ZFYVE1: variants seen among roughly 807,000 people sequenced by gnomAD.
ZFYVE1 encodes the protein zinc finger FYVE-type containing 1.
ZFYVE1 carries 30 observed loss-of-function variants against 74.4 expected under a neutral mutation model. That is an observed-to-expected ratio of 0.40 (90% CI 0.30 to 0.55). The LOEUF (loss-of-function observed/expected upper bound fraction) is 0.55. ZFYVE1 is among the 20% of genes least tolerant of loss of function. The pLI is 0.42. For missense variants in ZFYVE1, 703 were observed against 1,011.6 expected, an observed-to-expected ratio of 0.69 and a Z score of 4.14; for synonymous variants, 335 against 385.1, an observed-to-expected ratio of 0.87 and a Z score of 1.52.
chr14:73,023,275 ATTATATATGTTTTATATATAATATATATT>A (rs1567366720), intron 2 of ZFYVE1, among the ~76,000 whole-genome samples: 7 of 111,330 alleles, frequency 6.3e-5, no homozygotes, highest in Non-Finnish European at 1.1e-4. Flanking sequence ...TATAATATAT[ATTATATATGTTTTATATATAATATATATT>A]ATATATGTTT....
intron 4 of ZFYVE1, among the ~76,000 whole-genome samples, chr14:72,987,781 TGTTGCTATTGTG>T (rs1030711598): frequency 6.6e-6 from 1 of 152,184 alleles, no homozygotes; most frequent in African/African-American, 2.4e-5. Context: ...GTATCTGGGC[TGTTGCTATTGTG>T]GACCCTGAGC....
chr14:73,019,909 C>T (rs554303451), intron 2 of ZFYVE1, among the ~76,000 whole-genome samples: 64 of 151,910 alleles, frequency 4.2e-4, no homozygotes, highest in Non-Finnish European at 5.3e-4. Context: ...CGAGATCACA[C>T]CACGGCACTC....
intron 2 of ZFYVE1, among the ~76,000 whole-genome samples, chr14:72,999,520 G>A (rs894594482): frequency 6.6e-6 from 1 of 152,058 alleles, no homozygotes; most frequent in Non-Finnish European, 1.5e-5. Context: ...CCAGGAGTTG[G>A]AGGTTACAGT....
chr14:73,016,126 G>A (rs1479144256), intron 2 of ZFYVE1, among the ~76,000 whole-genome samples: 8 of 152,054 alleles, frequency 5.3e-5, no homozygotes, highest in African/African-American at 1.2e-4. Context: ...TTATTCTTCT[G>A]ACCTTTAACT....
In ZFYVE1 at chr14:73,012,724, T is replaced by C. The variant is rs910592948; in HGVS notation, c.483+11302A>G. Among the ~76,000 whole-genome samples, 16 of 152,194 alleles carry C rather than the reference T, an allele frequency of 1.1e-4. 1 individual carries two copies. Among genetic ancestry groups the C allele is most frequent in the Non-Finnish European group, 2.1e-4 (14 of 68,024 alleles). On this transcript the variant is annotated intron_variant, in intron 2 of 11. Transcript: ENST00000556143. ...AGGCCTCTGCCATTCCTCCCTAGTG[T>C]CATTTAATCTGAGTTTTCACTTTAA...
At chr14:73,023,265 T>TATAATATATATTATATATGTTTTATAC (rs1894365393) in intron 2 of ZFYVE1, among the ~76,000 whole-genome samples, 1 of 117,860 alleles carries the variant, frequency 8.5e-6, no homozygotes, top group Admixed American at 9.7e-5. Flanking sequence ...ATGTTTTATA[T>TATAATATATATTATATATGTTTTATAC]ATAATATATA....
chr14:73,018,241 G>C (rs1486423272), intron 2 of ZFYVE1, among the ~76,000 whole-genome samples: 1 of 151,786 alleles, frequency 6.6e-6, no homozygotes, highest in Non-Finnish European at 1.5e-5. Flanking sequence ...GACTAGCCTG[G>C]CCAACATAGT....
At chr14:73,025,257 C>T (rs1439460919) in intron 1 of ZFYVE1, among the ~76,000 whole-genome samples, 1 of 151,574 alleles carries the variant, frequency 6.6e-6, no homozygotes, top group Admixed American at 6.6e-5. Flanking sequence ...TTAGTAGAGA[C>T]GGGGTTTCAC....
intron 4 of ZFYVE1, among the ~76,000 whole-genome samples, chr14:72,990,394 C>G (rs1434047045): frequency 6.9e-6 from 1 of 144,636 alleles, no homozygotes; most frequent in Non-Finnish European, 1.5e-5. Context: ...TCCAGCTGAA[C>G]AGGTTCTTTT....
chr14:72,988,788 C>T (rs1893542588), intron 4 of ZFYVE1, among the ~76,000 whole-genome samples: 1 of 124,420 alleles, frequency 8.0e-6, no homozygotes, highest in African/African-American at 3.1e-5. Flanking sequence ...GCCTGAGTGA[C>T]AGAGCAAGAC....
chr14:72,998,049 T>C lies in ZFYVE1; in HGVS notation c.750A>G (p.Thr250=). 2 of 1,614,094 alleles carry C rather than the reference T, an allele frequency of 1.2e-6. No individual in the cohort carries two copies. The highest frequency in any genetic ancestry group is 1.7e-6 in the Non-Finnish European group (2 of 1,180,002). The change falls in exon 3 of 12, where the codon ACA becomes ACG. Residue 250 remains threonine (T), a synonymous_variant. Coordinates refer to ENST00000556143, the MANE Select transcript of ZFYVE1 (RefSeq NM_021260.4). ...LGATVNLSQR[T]RLLLKVLAIS... Reference sequence around the variant, plus strand: ...TGGCCAGGACCTTAAGCAGCAGCCGTGTTCTCTGGCTTAGATTCACGGTGG... The same window carrying C: ...TGGCCAGGACCTTAAGCAGCAGCCGCGTTCTCTGGCTTAGATTCACGGTGG...
In ZFYVE1 at chr14:72,978,602, A is replaced by G. The variant is rs569813458; in HGVS notation, c.1419+259T>C. ...AAAAAAAAAAAAAAAAAAAAGAATG[A>G]ATGTTCGATATAAATTACCCTTACA... On this transcript the variant is annotated intron_variant, in intron 6 of 11. Transcript: ENST00000556143. Among the ~76,000 whole-genome samples the G allele has an allele frequency of 9.5e-5, 14 of 147,864 alleles. No individual in the cohort carries two copies. In the South Asian group the frequency reaches 2.8e-3, roughly 30 times the overall value.
chr14:72,971,233 CAG>C (rs1243468741), intron 11 of ZFYVE1, 119 bp from the exon 12 acceptor site: 11 of 1,040,082 alleles, frequency 1.1e-5, no homozygotes, highest in Middle Eastern at 2.1e-4. Flanking sequence ...GAATTGCTGA[CAG>C]AGCTTTTTAA....
intron 5 of ZFYVE1, among the ~76,000 whole-genome samples, chr14:72,980,099 T>C (rs1407630217): frequency 6.6e-6 from 1 of 152,196 alleles, no homozygotes; most frequent in Non-Finnish European, 1.5e-5. Flanking sequence ...CACTGTCAAC[T>C]AACATCCCTC....
intron 3 of ZFYVE1, 74 bp from the exon 4 acceptor site, chr14:72,993,431 G>A (rs1012863918): frequency 2.1e-5 from 29 of 1,369,132 alleles, no homozygotes; most frequent in Middle Eastern, 2.4e-4. Context: ...GGCCAGGCAC[G>A]GTGGCCCACA....
Position 73,024,008 on chromosome 14 carries a change from C to G in ZFYVE1, c.483+18G>C. The stretch of plus-strand genomic sequence containing the variant: ...TCTGCTCCACTACACATGAATCCCA[C>G]TATACCCGTGTGCTTACCTGAATTT... On this transcript the variant is annotated intron_variant, in intron 2 of 11. Transcript: ENST00000556143. 1.2e-6 allele frequency: 2 copies of G among 1,610,200 alleles called. No homozygotes were observed. Among genetic ancestry groups the G allele is most frequent in the Non-Finnish European group, 1.7e-6 (2 of 1,178,276 alleles).
intron 2 of ZFYVE1, among the ~76,000 whole-genome samples, chr14:73,011,098 C>T (rs1384979749): frequency 6.6e-6 from 1 of 151,642 alleles, no homozygotes; most frequent in Non-Finnish European, 1.5e-5. Flanking sequence ...TAACTTATGA[C>T]CAACTTAATC....
At chr14:72,974,561 C>A (rs1341675146) in intron 10 of ZFYVE1, among the ~76,000 whole-genome samples, 1 of 152,214 alleles carries the variant, frequency 6.6e-6, no homozygotes, top group African/African-American at 2.4e-5. Flanking sequence ...CCCCCAGAAG[C>A]AACTCTGCAG....
chr14:73,011,710 T>A (rs1231389263), intron 2 of ZFYVE1, among the ~76,000 whole-genome samples: 1 of 149,826 alleles, frequency 6.7e-6, no homozygotes, highest in Non-Finnish European at 1.5e-5. Context: ...TTAGTAGAAA[T>A]GGGGTTTTGC....
Sources: allele counts gnomAD v4.1 joint callset (sites outside exome capture counted in the v4.1 genomes callset), GRCh38; gene constraint gnomAD v4.1.1; transcripts MANE v1.5; gene names NCBI Gene and HGNC (gene_info 2026-07-23, HGNC 2026-07-21).